IGSF21: variants seen among roughly 807,000 people sequenced by gnomAD.
The protein encoded by IGSF21 is immunoglobin superfamily member 21.
A neutral mutation model predicts 46.8 loss-of-function variants in IGSF21; 28 were observed. The ratio of observed to expected loss-of-function variants is 0.60; its 90% CI spans 0.44 to 0.82. The LOEUF is 0.82. Ranked by LOEUF, IGSF21 falls within the 40% of genes least tolerant of loss-of-function variation. The pLI is 0.00. For synonymous variants in IGSF21, 284 were observed against 273.6 expected, an observed-to-expected ratio of 1.04 and a Z score of -0.38; for missense variants, 624 against 665.5, an observed-to-expected ratio of 0.94 and a Z score of 0.69.
chr1:18,278,532 T>C (rs1557621387), intron 2 of IGSF21, among the ~76,000 whole-genome samples: 1 of 72,098 alleles, frequency 1.4e-5, no homozygotes, highest in Non-Finnish European at 2.8e-5. Context: ...TAAGGTTTTT[T>C]TTGTTTGTTT....
intron 2 of IGSF21, among the ~76,000 whole-genome samples, chr1:18,268,949 A>C (rs1350849518): frequency 6.6e-6 from 1 of 152,182 alleles, no homozygotes; most frequent in Non-Finnish European, 1.5e-5. Context: ...GCTCCCAGGT[A>C]TGTTGTATAG....
In IGSF21 at chr1:18,365,600, C is replaced by A; in HGVS notation, c.918C>A (p.Thr306=). The A allele has an allele frequency of 6.2e-7, 1 of 1,614,226 alleles. No individual in the cohort carries two copies. The highest frequency in any genetic ancestry group is 8.5e-7 in the Non-Finnish European group (1 of 1,180,046). ...DGTVEVRALL[T]WTLNPQIDNE... ...CTGTGGAAGTACGTGCCCTGCTCACCTGGACCCTCAACCCACAGATCGACA... is the reference window on the plus strand; with the variant it reads ...CTGTGGAAGTACGTGCCCTGCTCACATGGACCCTCAACCCACAGATCGACA... Residue 306 remains threonine (T), a synonymous_variant, in exon 6 of 10, where the codon ACC becomes ACA. Coordinates refer to ENST00000251296, the MANE Select transcript of IGSF21 (RefSeq NM_032880.5). The surrounding 1 kb of genome is among the most constrained non-coding windows in gnomAD (Gnocchi z 4.8).
rs149175221 is a variant in IGSF21, at chr1:18,337,269, C to T, written c.424+2259C>T. ...CTCTGCTGAGCAAGGGAGTGTGCTCCTGTGGGCCTCAATTTCCCCATCTGT... is the reference window on the plus strand; with the variant it reads ...CTCTGCTGAGCAAGGGAGTGTGCTCTTGTGGGCCTCAATTTCCCCATCTGT... On this transcript the variant is annotated intron_variant, in intron 4 of 9. Transcript: ENST00000251296. The surrounding 1 kb of genome is among the most constrained non-coding windows in gnomAD (Gnocchi z 5.7). Among the ~76,000 whole-genome samples, 1 of 152,096 alleles carries T rather than the reference C, an allele frequency of 6.6e-6. No individual in the cohort carries two copies. The highest frequency in any genetic ancestry group is 2.4e-5 in the African/African-American group (1 of 41,408).
intron 3 of IGSF21, among the ~76,000 whole-genome samples, chr1:18,321,569 C>T (rs2085601562): frequency 6.6e-6 from 1 of 152,178 alleles, no homozygotes; most frequent in African/African-American, 2.4e-5. Flanking sequence ...AGGCAGATTC[C>T]AGGTTGGCTG....
In IGSF21 at chr1:18,247,629, C is replaced by T. The variant is rs189848961; in HGVS notation, c.183+19619C>T. Among the ~76,000 whole-genome samples, 22 of 152,188 alleles carry T rather than the reference C, an allele frequency of 1.4e-4. No individual in the cohort carries two copies. The East Asian group carries it at 4.1e-3, about 28-fold the overall frequency. On this transcript the variant is annotated intron_variant, in intron 2 of 9. Transcript: ENST00000251296. ...GAAGTAACGCCCCTGGATGGGGTAT[C>T]GCAGGGAGAAAATGACATCACTCTG... is the stretch of plus-strand genomic sequence containing the variant.
chr1:18,274,099 C>G (rs1167159024), intron 2 of IGSF21, among the ~76,000 whole-genome samples: 3 of 152,208 alleles, frequency 2.0e-5, no homozygotes, highest in Non-Finnish European at 4.4e-5. Context: ...TGGGTATTGG[C>G]TAACTTGTTT....
intron 2 of IGSF21, among the ~76,000 whole-genome samples, chr1:18,261,417 C>T (rs2084945725): frequency 6.6e-6 from 1 of 152,152 alleles, no homozygotes; most frequent in Admixed American, 6.5e-5. Context: ...ATAAGACATG[C>T]CCACCAGTGC....
At chr1:18,375,335 A>C (rs1445153100) in intron 6 of IGSF21, among the ~76,000 whole-genome samples, 1 of 152,088 alleles carries the variant, frequency 6.6e-6, no homozygotes, top group East Asian at 1.9e-4. Context: ...ATCTGGGGGA[A>C]AGAGTGCTGG....
At chr1:18,315,351 GA>G (rs1027396674) in intron 3 of IGSF21, among the ~76,000 whole-genome samples, 1 of 152,104 alleles carries the variant, frequency 6.6e-6, no homozygotes, top group African/African-American at 2.4e-5. Flanking sequence ...ATGCCTCTGG[GA>G]ACTCCTCACA....
intron 4 of IGSF21, among the ~76,000 whole-genome samples, chr1:18,359,383 A>AAAGAAAGAAAGAAAGAAAGAATGGAAGG (rs1557659626): frequency 1.6e-5 from 1 of 61,030 alleles, no homozygotes; most frequent in African/African-American, 6.7e-5. Context: ...AGAAAGAAAG[A>AAAGAAAGAAAGAAAGAAAGAATGGAAGG]AAGGAAGGAA....
chr1:18,254,148 G>C (rs888917405), intron 2 of IGSF21, among the ~76,000 whole-genome samples: 11 of 152,184 alleles, frequency 7.2e-5, no homozygotes, highest in Non-Finnish European at 1.6e-4. Flanking sequence ...CTTGTAGTAA[G>C]TTCTGGAGCC....
At chr1:18,127,033 G>A (rs1032400795) in intron 1 of IGSF21, among the ~76,000 whole-genome samples, 1 of 152,206 alleles carries the variant, frequency 6.6e-6, no homozygotes, top group Non-Finnish European at 1.5e-5. Context: ...AGCCCAGGCT[G>A]TTGTCCCTTC....
At chr1:18,369,825 A>C (rs2086206572) in intron 6 of IGSF21, among the ~76,000 whole-genome samples, 3 of 152,092 alleles carry the variant, frequency 2.0e-5, no homozygotes, top group Admixed American at 1.3e-4. Context: ...ACTCTCCCCC[A>C]ACCCTTTGAG....
At chr1:18,162,103 A>ATCACAAC (rs1160707238) in intron 1 of IGSF21, among the ~76,000 whole-genome samples, 9 of 151,996 alleles carry the variant, frequency 5.9e-5, no homozygotes, top group Non-Finnish European at 1.2e-4. Context: ...CAGTGGCATG[A>ATCACAAC]TCACAACTCA....
At chr1:18,262,750 G>T (rs906673539) in intron 2 of IGSF21, among the ~76,000 whole-genome samples, 1 of 152,102 alleles carries the variant, frequency 6.6e-6, no homozygotes, top group Non-Finnish European at 1.5e-5. Context: ...ATTCTTCCTG[G>T]GTGCTAAGAA....
chr1:18,287,531 A>G (rs1166114525), intron 2 of IGSF21, among the ~76,000 whole-genome samples: 1 of 152,210 alleles, frequency 6.6e-6, no homozygotes, highest in Non-Finnish European at 1.5e-5. Flanking sequence ...GAATGAAATC[A>G]TTCATTTCAG....
intron 4 of IGSF21, among the ~76,000 whole-genome samples, chr1:18,361,064 C>G (rs569645477): frequency 2.6e-5 from 4 of 152,014 alleles, no homozygotes; most frequent in African/African-American, 4.8e-5. Context: ...GGGTGGCCAA[C>G]AAAAATAAGC....
intron 1 of IGSF21, among the ~76,000 whole-genome samples, chr1:18,144,332 C>A (rs943299456): frequency 6.6e-6 from 1 of 152,160 alleles, no homozygotes; most frequent in African/African-American, 2.4e-5. Flanking sequence ...CCCGCTGCCC[C>A]AGGCTAGGAG....
At chr1:18,294,017 T>G (rs759471068) in intron 3 of IGSF21, among the ~76,000 whole-genome samples, 2 of 150,450 alleles carry the variant, frequency 1.3e-5, no homozygotes, top group Non-Finnish European at 3.0e-5. Context: ...AGCCTTAACC[T>G]CTCTCTCTCT....
Sources: allele counts gnomAD v4.1 joint callset (sites outside exome capture counted in the v4.1 genomes callset), GRCh38; gene constraint gnomAD v4.1.1; non-coding constraint Gnocchi (gnomAD v3.1); transcripts MANE v1.5; gene names NCBI Gene and HGNC (gene_info 2026-07-23, HGNC 2026-07-21).